TBC1D5: variants seen among roughly 807,000 people sequenced by gnomAD.
TBC1D5 encodes TBC1 domain family, member 5.
A neutral mutation model predicts 100.3 loss-of-function variants in TBC1D5; 75 were observed. That is an observed-to-expected ratio of 0.75 (90% CI 0.62 to 0.91). TBC1D5 has a LOEUF of 0.91. TBC1D5 is among the 40% of genes least tolerant of loss of function. The probability of loss-of-function intolerance (pLI) is 0.00; values close to 1 mark genes in which losing one functional copy is unlikely to be tolerated. For missense variants in TBC1D5, 910 were observed against 942.4 expected (o/e 0.97, Z 0.45); for synonymous variants, 323 against 325.6 (o/e 0.99, Z 0.09).
At chr3:17,258,904 A>G (rs886370303) in intron 15 of TBC1D5, among the ~76,000 whole-genome samples, 1 of 152,200 alleles carries the variant, frequency 6.6e-6, no homozygotes, top group Admixed American at 6.5e-5. Context: ...TCTAAAAACT[A>G]TATGAGATGT....
At chr3:17,366,991 T>C (rs1261501814) in intron 13 of TBC1D5, among the ~76,000 whole-genome samples, 1 of 152,086 alleles carries the variant, frequency 6.6e-6, no homozygotes, top group African/African-American at 2.4e-5. Flanking sequence ...ATCCCATGAG[T>C]GTTGTAAAGA....
intron 2 of TBC1D5, among the ~76,000 whole-genome samples, chr3:17,552,123 C>G (rs559537104): frequency 1.3e-5 from 2 of 151,026 alleles, no homozygotes; most frequent in South Asian, 4.2e-4. Flanking sequence ...TACTCAACAA[C>G]TAAAATTTGA....
intron 19 of TBC1D5, among the ~76,000 whole-genome samples, chr3:17,176,043 A>T (rs2067688856): frequency 6.6e-6 from 1 of 152,200 alleles, no homozygotes; most frequent in Non-Finnish European, 1.5e-5. Context: ...GGACTGGAGA[A>T]CATGGAGAGG....
At chr3:17,543,930 C>T (rs1254032711) in intron 2 of TBC1D5, among the ~76,000 whole-genome samples, 23 of 151,514 alleles carry the variant, frequency 1.5e-4, no homozygotes, top group Admixed American at 1.2e-3. Context: ...TGCAGTGGCG[C>T]GATCTCGGCT....
intron 19 of TBC1D5, among the ~76,000 whole-genome samples, chr3:17,173,413 T>C (rs1354232945): frequency 6.6e-6 from 1 of 152,210 alleles, no homozygotes; most frequent in Non-Finnish European, 1.5e-5. Flanking sequence ...GGCAGTTACC[T>C]ATACGCACAA....
chr3:17,454,309 T>C (rs930060522), intron 3 of TBC1D5, among the ~76,000 whole-genome samples: 3 of 152,120 alleles, frequency 2.0e-5, no homozygotes, highest in African/African-American at 7.2e-5. Context: ...GGTATCCGAA[T>C]TGGAAAATAA....
intron 3 of TBC1D5, among the ~76,000 whole-genome samples, chr3:17,431,976 A>G (rs1321257349): frequency 1.3e-5 from 2 of 152,142 alleles, no homozygotes; most frequent in African/African-American, 4.8e-5. Flanking sequence ...TCATGAAGAG[A>G]GAACCAGAGA....
chr3:17,331,743 A>C (rs2151169388), intron 13 of TBC1D5, among the ~76,000 whole-genome samples: 1 of 152,334 alleles, frequency 6.6e-6, no homozygotes, highest in South Asian at 2.1e-4. Flanking sequence ...GGGGATAGTG[A>C]ATCATAAACA....
At chr3:17,444,663 T>C (rs571734151) in intron 3 of TBC1D5, among the ~76,000 whole-genome samples, 1 of 152,124 alleles carries the variant, frequency 6.6e-6, no homozygotes, top group South Asian at 2.1e-4. Flanking sequence ...TTGATAAAAA[T>C]TACAAAACTA....
intron 13 of TBC1D5, among the ~76,000 whole-genome samples, chr3:17,317,902 A>T (rs979237630): frequency 9.2e-5 from 14 of 152,142 alleles, no homozygotes; most frequent in African/African-American, 2.9e-4. Context: ...ATTATAAATC[A>T]TGCTGCTATA....
chr3:17,202,521 C>T (rs1410474251), intron 18 of TBC1D5, among the ~76,000 whole-genome samples: 1 of 152,234 alleles, frequency 6.6e-6, no homozygotes, highest in Non-Finnish European at 1.5e-5. Flanking sequence ...ATAGCCGAGA[C>T]AATGTGAAAA....
intron 1 of TBC1D5, among the ~76,000 whole-genome samples, chr3:17,732,305 G>A (rs28538955): frequency 2.6e-5 from 4 of 151,876 alleles, no homozygotes; most frequent in East Asian, 1.9e-4. Flanking sequence ...GCAACAGAGC[G>A]AGACTCCATC....
intron 4 of TBC1D5, among the ~76,000 whole-genome samples, chr3:17,424,882 T>C (rs891064225): frequency 6.6e-6 from 1 of 152,164 alleles, no homozygotes; most frequent in African/African-American, 2.4e-5. Context: ...GTTCCAGCCA[T>C]CATCTCTGAA....
chr3:17,698,979 G>C (rs1031082038), intron 1 of TBC1D5, among the ~76,000 whole-genome samples: 1 of 150,048 alleles, frequency 6.7e-6, no homozygotes, highest in Non-Finnish European at 1.5e-5. Flanking sequence ...GTGGAAGTCA[G>C]TGTGGCGATT....
At chr3:17,491,216 T>G (rs566264854) in intron 3 of TBC1D5, among the ~76,000 whole-genome samples, 1 of 152,176 alleles carries the variant, frequency 6.6e-6, no homozygotes, top group Non-Finnish European at 1.5e-5. Flanking sequence ...TGGGCTGAGA[T>G]GATGGGGTTT....
At chr3:17,386,330 T>C (rs1213580650) in intron 8 of TBC1D5, among the ~76,000 whole-genome samples, 4 of 152,096 alleles carry the variant, frequency 2.6e-5, no homozygotes, top group African/African-American at 9.7e-5. Flanking sequence ...TAATCTAAAA[T>C]TGATTATGAA....
chr3:17,717,347 A>G (rs1263779223), intron 1 of TBC1D5, among the ~76,000 whole-genome samples: 2 of 152,170 alleles, frequency 1.3e-5, no homozygotes, highest in African/African-American at 4.8e-5. Flanking sequence ...ACTTTCACAC[A>G]TTAACATAAA....
At chr3:17,336,605 G>A (rs1441919843) in intron 13 of TBC1D5, among the ~76,000 whole-genome samples, 8 of 151,746 alleles carry the variant, frequency 5.3e-5, no homozygotes, top group Non-Finnish European at 1.0e-4. Flanking sequence ...TGGCACCCAC[G>A]TCAAGAAAGT....
intron 3 of TBC1D5, among the ~76,000 whole-genome samples, chr3:17,490,118 A>G (rs1369408932): frequency 6.6e-6 from 1 of 152,012 alleles, no homozygotes; most frequent in Non-Finnish European, 1.5e-5. Context: ...TTTTTTTAGT[A>G]TATCTTTTTG....
Sources: allele counts gnomAD v4.1 joint callset (sites outside exome capture counted in the v4.1 genomes callset), GRCh38; gene constraint gnomAD v4.1.1; transcripts MANE v1.5; gene names NCBI Gene and HGNC (gene_info 2026-07-23, HGNC 2026-07-21).